The following MYO1D variants were observed in gnomAD, a reference collection of about 807,000 sequenced individuals.
MYO1D encodes the protein myosin ID, also known as unconventional myosin-Id.
A neutral mutation model predicts 122.0 loss-of-function variants in MYO1D; 83 were observed. That is an observed-to-expected ratio of 0.68 (90% CI 0.57 to 0.82). The LOEUF (loss-of-function observed/expected upper bound fraction) is 0.82, where lower values mean the gene tolerates loss of function less well. Among genes scored for constraint, MYO1D ranks in the 40% least tolerant of loss-of-function variants. The pLI is 0.00. For synonymous variants in MYO1D, 464 were observed against 446.9 expected (o/e 1.04, Z -0.48); for missense variants, 1,157 against 1,269.5 (o/e 0.91, Z 1.35).
At chr17:32,766,941 TATA>T (rs1214934915) in intron 7 of MYO1D, among the ~76,000 whole-genome samples, 6 of 152,234 alleles carry the variant, frequency 3.9e-5, no homozygotes, top group African/African-American at 4.8e-5. Context: ...TATATTGCTA[TATA>T]ATATTTTTCA....
chr17:32,577,076 CCT>C (rs2087285742), intron 21 of MYO1D, among the ~76,000 whole-genome samples: 1 of 152,026 alleles, frequency 6.6e-6, no homozygotes, highest in South Asian at 2.1e-4. Flanking sequence ...AGGATGAAAC[CCT>C]GTCTCTATTA....
Position 32,622,733 on chromosome 17 carries a change from C to T in MYO1D, c.2709+15989G>A, listed in dbSNP as rs143031246. ...CTGATTTCTACAGGCATGGGATTGC[C>T]AGTTTGCAAGGGGGCAAAGAGCAGT... On this transcript the variant is annotated intron_variant, in intron 20 of 21. Transcript: ENST00000318217. Among the ~76,000 whole-genome samples the T allele has an allele frequency of 5.5e-3, 843 of 152,310 alleles. 9 individuals carry two copies. Among genetic ancestry groups the T allele is most frequent in the African/African-American group, 0.019 (781 of 41,562 alleles).
chr17:32,659,942 T>C (rs1293335916), intron 16 of MYO1D, among the ~76,000 whole-genome samples: 2 of 152,232 alleles, frequency 1.3e-5, no homozygotes, highest in African/African-American at 4.8e-5. Context: ...TGACACTATA[T>C]AAACGCCTCA....
At chr17:32,583,780 C>T (rs1170851213) in intron 21 of MYO1D, among the ~76,000 whole-genome samples, 3 of 151,624 alleles carry the variant, frequency 2.0e-5, no homozygotes, top group Non-Finnish European at 4.4e-5. Context: ...TGATCTGTCA[C>T]CCAGGCTGGA....
Position 32,745,438 on chromosome 17 carries a change from C to T in MYO1D, c.1539-153G>A, listed in dbSNP as rs1162932483. On this transcript the variant is annotated intron_variant, in intron 12 of 21. Transcript: ENST00000318217. ...TCATCTTGTTCTGTATTAAAGGATA[C>T]CAAATTTACCTACTAAATAGAAGGG... The T allele has an allele frequency of 9.3e-6, 5 of 540,016 alleles. No homozygotes were observed. In the East Asian group the frequency reaches 1.6e-4, roughly 17 times the overall value. 33.5% of individuals were successfully genotyped at this position (540,016 alleles called of 1,614,324 possible).
chr17:32,716,511 G>T lies in MYO1D; in HGVS notation c.1914-4316C>A, dbSNP rs1308065922. On this transcript the variant is annotated intron_variant, in intron 15 of 21. Coordinates refer to ENST00000318217, the MANE Select transcript of MYO1D (RefSeq NM_015194.3). ...TAGATATTTGCAGAATGAATGAAAAGAAATCATTTAAAGCCTACTCACTTG... is the reference window on the plus strand; with the variant it reads ...TAGATATTTGCAGAATGAATGAAAATAAATCATTTAAAGCCTACTCACTTG... Among the ~76,000 whole-genome samples, 2 of 152,148 alleles carry T rather than the reference G, an allele frequency of 1.3e-5. 1 individual carries two copies. The highest frequency in any genetic ancestry group is 1.3e-4 in the Admixed American group (2 of 15,274).
intron 1 of MYO1D, among the ~76,000 whole-genome samples, chr17:32,798,838 T>G (rs922397616): frequency 6.6e-6 from 1 of 152,242 alleles, no homozygotes; most frequent in Non-Finnish European, 1.5e-5. Context: ...TCTTCCTAGA[T>G]TGTAATCAAG....
chr17:32,667,600 T>C (rs547768401), intron 16 of MYO1D, among the ~76,000 whole-genome samples: 2 of 152,264 alleles, frequency 1.3e-5, no homozygotes, highest in Non-Finnish European at 2.9e-5. Context: ...AAAAAGTACA[T>C]GTGAGTCTGA....
intron 16 of MYO1D, among the ~76,000 whole-genome samples, chr17:32,679,930 T>A (rs972041574): frequency 4.0e-5 from 6 of 149,648 alleles, no homozygotes; most frequent in Admixed American, 1.3e-4. Context: ...TCCTCTTTTA[T>A]TTCCTTGAGC....
chr17:32,787,360 T>C (rs1297864389), intron 1 of MYO1D, among the ~76,000 whole-genome samples: 4 of 152,288 alleles, frequency 2.6e-5, no homozygotes, highest in Admixed American at 2.0e-4. Flanking sequence ...TTAGGGGTGA[T>C]TTCCAAGATT....
rs1909019756 is a variant in MYO1D, at chr17:32,494,659, C to T, written c.*100G>A. ...GCGGGGCTCCTCTGGGAGGGGCCCT[C>T]GCAGCAGGTTTCTAGCGGGCATGGG... is the stretch of plus-strand genomic sequence containing the variant. On this transcript the variant is annotated 3_prime_UTR_variant, in exon 22 of 22. Transcript: ENST00000318217. The T allele has an allele frequency of 6.6e-6, 9 of 1,373,268 alleles. No homozygotes were observed. The highest frequency in any genetic ancestry group is 8.7e-6 in the Non-Finnish European group (9 of 1,034,808). 85.1% of individuals were successfully genotyped at this position (1,373,268 alleles called of 1,614,324 possible). A position where few individuals can be genotyped will look rare whatever the true frequency, so the allele number is the denominator to read the frequency against.
In MYO1D at chr17:32,828,515, CAAAAAAAAA is replaced by C. The variant is rs137921871; in HGVS notation, c.96-47740_96-47732del. 4.1e-3 allele frequency among the ~76,000 whole-genome samples: 295 copies of C among 71,830 alleles called. 3 individuals are homozygous for C. The highest frequency in any genetic ancestry group is 0.016 in the African/African-American group (284 of 17,660). 47.1% of individuals were successfully genotyped at this position (71,830 alleles called of 152,430 possible). ...TGGACGACAGAGCGAGACTCCGTCT[CAAAAAAAAA>C]AAAAAAAAAAAAAAAGAAAGAAGAC... On this transcript the variant is annotated intron_variant, in intron 1 of 21. Transcript: ENST00000318217.
chr17:32,693,620 A>G (rs80159509), intron 16 of MYO1D, among the ~76,000 whole-genome samples: 2,257 of 152,274 alleles, frequency 0.015, 43 homozygotes, highest in African/African-American at 0.049. Context: ...TGAGATTCAC[A>G]CTGATGCGCC....
intron 21 of MYO1D, among the ~76,000 whole-genome samples, chr17:32,526,886 C>G (rs1910360738): frequency 6.6e-6 from 1 of 152,226 alleles, no homozygotes; most frequent in African/African-American, 2.4e-5. Flanking sequence ...CATGGACCAT[C>G]TGGAACTGTT....
At chr17:32,563,220 T>TTTTTTTTTTTTTTTTTTTC (rs2087142695) in intron 21 of MYO1D, among the ~76,000 whole-genome samples, 1 of 142,686 alleles carries the variant, frequency 7.0e-6, no homozygotes, top group Non-Finnish European at 1.5e-5. Context: ...TTTTTTTTTT[T>TTTTTTTTTTTTTTTTTTTC]TTTTTTTGAG....
chr17:32,509,399 T>C (rs951249049), intron 21 of MYO1D, among the ~76,000 whole-genome samples: 4 of 152,150 alleles, frequency 2.6e-5, no homozygotes, highest in African/African-American at 9.7e-5. Context: ...TTTGGTAGGA[T>C]GGAAAACATT....
chr17:32,858,871 T>C (rs2091047984), intron 1 of MYO1D, among the ~76,000 whole-genome samples: 1 of 152,248 alleles, frequency 6.6e-6, no homozygotes, highest in Non-Finnish European at 1.5e-5. Flanking sequence ...CAGATTTAGC[T>C]AGTGGGTACT....
At chr17:32,638,054 C>T (rs1029214905) in intron 20 of MYO1D, among the ~76,000 whole-genome samples, 6 of 152,170 alleles carry the variant, frequency 3.9e-5, no homozygotes, top group Non-Finnish European at 5.9e-5. Flanking sequence ...TCACCTGACA[C>T]GTGAAAAGAT....
intron 21 of MYO1D, chr17:32,531,381 G>A (rs17806429): frequency 0.036 from 5,533 of 152,296 alleles, 113 homozygotes; most frequent in Middle Eastern, 0.068. Flanking sequence ...AAAGGATCTT[G>A]ATGGTGATCA....
Sources: gnomAD v4.1 joint callset for allele counts (sites outside exome capture counted in the v4.1 genomes callset) on GRCh38, gnomAD v4.1.1 for gene constraint, MANE v1.5 for transcripts, NCBI Gene and HGNC (gene_info 2026-07-23, HGNC 2026-07-21) for gene names.